Variants in SDK1 observed in about 807,000 individuals in gnomAD.
SDK1 encodes the protein sidekick cell adhesion molecule 1, also known as protein sidekick-1.
In SDK1, 157 loss-of-function variants were observed where a neutral mutation model predicts 245.5. The observed-to-expected ratio is 0.64, with a 90% CI of 0.56 to 0.73. SDK1 has a LOEUF of 0.73. Among genes scored for constraint, SDK1 ranks in the 30% least tolerant of loss-of-function variants. The pLI is 0.00. For synonymous variants in SDK1, 1,647 were observed against 1,278.5 expected (o/e 1.29, Z -6.15); for missense variants, 3,583 against 3,002.3 (o/e 1.19, Z -4.52).
At chr7:3,318,765 CATT>C (rs1280631038) in intron 1 of SDK1, among the ~76,000 whole-genome samples, 1 of 152,142 alleles carries the variant, frequency 6.6e-6, no homozygotes, top group African/African-American at 2.4e-5. Context: ...TAGGTACCAT[CATT>C]GTTGGTTTTA....
intron 5 of SDK1, among the ~76,000 whole-genome samples, chr7:3,933,352 A>G (rs988834939): frequency 6.6e-6 from 1 of 152,030 alleles, no homozygotes; most frequent in Admixed American, 6.6e-5. Flanking sequence ...GGCTCAAGTA[A>G]TCTTCCTGCC....
At chr7:4,224,242 C>T (rs188034405) in intron 40 of SDK1, among the ~76,000 whole-genome samples, 386 of 152,310 alleles carry the variant, frequency 2.5e-3, no homozygotes, top group African/African-American at 9.0e-3. Context: ...TTAGTTGGCT[C>T]ACAGTTCTGC....
intron 22 of SDK1, among the ~76,000 whole-genome samples, chr7:4,094,195 G>A (rs192944775): frequency 1.3e-5 from 2 of 152,102 alleles, no homozygotes; most frequent in Admixed American, 1.3e-4. Context: ...TAGAGTGGCT[G>A]GGATTACAGG....
intron 4 of SDK1, among the ~76,000 whole-genome samples, chr7:3,695,548 G>A (rs762917627): frequency 1.1e-4 from 16 of 152,082 alleles, no homozygotes; most frequent in Non-Finnish European, 1.9e-4. Context: ...CAAAAACTTC[G>A]TTAAATGTCC....
intron 5 of SDK1, among the ~76,000 whole-genome samples, chr7:3,945,461 A>G (rs1276667733): frequency 6.6e-6 from 1 of 152,238 alleles, no homozygotes; most frequent in Non-Finnish European, 1.5e-5. Context: ...GAAAGTATTT[A>G]TACTCTCCGA....
intron 5 of SDK1, among the ~76,000 whole-genome samples, chr7:3,889,444 A>G (rs1012724005): frequency 4.6e-5 from 7 of 152,144 alleles, no homozygotes; most frequent in Non-Finnish European, 8.8e-5. Context: ...CTGCATTGGA[A>G]TCTACCGTGG....
chr7:3,687,177 C>CTTT lies in SDK1; in HGVS notation c.713+45083_713+45085dup, dbSNP rs34903598. 6.9e-3 allele frequency among the ~76,000 whole-genome samples: 991 copies of CTTT among 143,242 alleles called. 23 individuals carry two copies. Among genetic ancestry groups the CTTT allele is most frequent in the African/African-American group, 0.024 (933 of 38,500 alleles). The allele number at this position is 143,242 out of a possible 152,430, so 94.0% of individuals were successfully genotyped here. ...ACACAAAAGTCTGTACACAAATGTT[C>CTTT]TTTTTTTTTTTTTGAGATAGAGTCT... On this transcript the variant is annotated intron_variant, in intron 4 of 44. Coordinates refer to ENST00000404826, the MANE Select transcript of SDK1 (RefSeq NM_152744.4).
At chr7:3,656,051 C>G (rs1168862761) in intron 4 of SDK1, among the ~76,000 whole-genome samples, 1 of 152,168 alleles carries the variant, frequency 6.6e-6, no homozygotes, top group Non-Finnish European at 1.5e-5. Context: ...ACGGTGTTCT[C>G]CAATTGTCTA....
chr7:3,906,714 G>A (rs962246347), intron 5 of SDK1, among the ~76,000 whole-genome samples: 1 of 129,158 alleles, frequency 7.7e-6, no homozygotes, highest in Non-Finnish European at 1.6e-5. Context: ...TGCAACCTCT[G>A]CCTCCCAGGT....
chr7:3,430,713 G>C (rs1331337953), intron 1 of SDK1, among the ~76,000 whole-genome samples: 4 of 152,310 alleles, frequency 2.6e-5, no homozygotes, highest in Non-Finnish European at 5.9e-5. Flanking sequence ...AGGTATCCGT[G>C]GCTTGTTAGG....
At chr7:3,594,819 G>C (rs565619491) in intron 1 of SDK1, among the ~76,000 whole-genome samples, 2 of 152,272 alleles carry the variant, frequency 1.3e-5, no homozygotes, top group East Asian at 1.9e-4. Context: ...TTTCATTAGA[G>C]GGGCAAGAGT....
chr7:3,658,787 T>C (rs1330378772), intron 4 of SDK1, among the ~76,000 whole-genome samples: 1 of 152,052 alleles, frequency 6.6e-6, no homozygotes, highest in South Asian at 2.1e-4. Flanking sequence ...ACTAATGTTT[T>C]TTGTATTTTT....
rs149431938 is a variant in SDK1 at position 3,725,338 on chromosome 7, A to T, written c.713+83233A>T. Reference sequence around the variant, plus strand: ...AGGAAGGAACTGTCCTTCTCAAAGCATTGCAGCCTGATAAGGGCTGAAAAG... The same window carrying T: ...AGGAAGGAACTGTCCTTCTCAAAGCTTTGCAGCCTGATAAGGGCTGAAAAG... On this transcript the variant is annotated intron_variant, in intron 4 of 44. Transcript: ENST00000404826. Among the ~76,000 whole-genome samples the T allele has an allele frequency of 2.8e-3, 426 of 152,292 alleles. 4 individuals carry two copies. The highest frequency in any genetic ancestry group is 0.01 in the African/African-American group (419 of 41,562).
chr7:3,500,931 C>G (rs921950563), intron 1 of SDK1, among the ~76,000 whole-genome samples: 1 of 151,758 alleles, frequency 6.6e-6, no homozygotes, highest in Admixed American at 6.6e-5. Flanking sequence ...CTTGCAGCAT[C>G]CTATTCTTAT....
intron 1 of SDK1, among the ~76,000 whole-genome samples, chr7:3,454,190 C>T (rs376186709): frequency 6.6e-5 from 10 of 152,104 alleles, no homozygotes; most frequent in African/African-American, 2.4e-4. Context: ...AGGCACCATA[C>T]AGTAAGAATA....
intron 4 of SDK1, among the ~76,000 whole-genome samples, chr7:3,707,644 G>A (rs1321081386): frequency 2.0e-5 from 3 of 152,096 alleles, no homozygotes. Flanking sequence ...CTGTCAGTGG[G>A]GAGCTGAAGG....
At chr7:4,100,037 A>T (rs1049573511) in intron 22 of SDK1, among the ~76,000 whole-genome samples, 1 of 152,172 alleles carries the variant, frequency 6.6e-6, no homozygotes, top group African/African-American at 2.4e-5. Flanking sequence ...CTCATGCCCC[A>T]GAGATTTTGG....
chr7:4,081,233 G>A (rs1781037388), intron 22 of SDK1, among the ~76,000 whole-genome samples: 1 of 152,134 alleles, frequency 6.6e-6, no homozygotes, highest in Non-Finnish European at 1.5e-5. Flanking sequence ...GCCTAGGAGT[G>A]GATGACGCTC....
At chr7:3,669,635 C>A (rs904206615) in intron 4 of SDK1, among the ~76,000 whole-genome samples, 1 of 152,128 alleles carries the variant, frequency 6.6e-6, no homozygotes, top group African/African-American at 2.4e-5. Context: ...ATCCTTGGTC[C>A]TAGCACTTCA....
Sources: gnomAD v4.1 joint callset for allele counts (sites outside exome capture counted in the v4.1 genomes callset) on GRCh38, gnomAD v4.1.1 for gene constraint, MANE v1.5 for transcripts, NCBI Gene and HGNC (gene_info 2026-07-23, HGNC 2026-07-21) for gene names.